The following ZFAND2B variants were observed in gnomAD, a reference collection of about 807,000 sequenced individuals.
ZFAND2B encodes AN1-type zinc finger protein 2B.
ZFAND2B carries 27 observed loss-of-function variants against 38.2 expected under a neutral mutation model. The ratio of observed to expected loss-of-function variants is 0.71; its 90% CI spans 0.52 to 0.97. The LOEUF (loss-of-function observed/expected upper bound fraction) is 0.97. Among genes scored for constraint, ZFAND2B ranks in the 50% least tolerant of loss-of-function variants. ZFAND2B has a pLI of 0.00. For synonymous variants in ZFAND2B, 111 were observed against 119.4 expected (o/e 0.93, Z 0.46); for missense variants, 303 against 331.5 (o/e 0.91, Z 0.67).
Position 219,207,749 on chromosome 2 carries a change from T to C in ZFAND2B, c.252T>C (p.Cys84=). ...TGGGAGAGCACATTGACAGAGACTGTCGCTCTGATCCAGCACAGCAAAAAC... is the reference window on the plus strand; with the variant it reads ...TGGGAGAGCACATTGACAGAGACTGCCGCTCTGATCCAGCACAGCAAAAAC... ...RAVGEHIDRD[C]RSDPAQQKRK... The change falls in exon 3 of 9, where the codon TGT becomes TGC. Residue 84 remains cysteine, a synonymous_variant. Transcript: ENST00000289528. The C allele has an allele frequency of 6.2e-7, 1 of 1,614,086 alleles. No individual in the cohort carries two copies. The highest frequency in any genetic ancestry group is 8.5e-7 in the Non-Finnish European group (1 of 1,180,036).
rs1209542760 is a variant in ZFAND2B at position 219,207,953 on chromosome 2, C to T, written c.349C>T (p.Arg117Cys). Residue 117 changes from arginine (R) to cysteine (C), a missense_variant, in exon 4 of 9, where the codon CGC (arginine) becomes TGC (cysteine). By Grantham distance (180) the Arg-to-Cys change is radical. Coordinates refer to ENST00000289528, the MANE Select transcript of ZFAND2B (RefSeq NM_138802.3). ...AGAAATGATGAAACTGACCTGTGAACGCTGTAGCCGAAACTTCTGCATCAA... is the reference window on the plus strand; with the variant it reads ...AGAAATGATGAAACTGACCTGTGAATGCTGTAGCCGAAACTTCTGCATCAA... ...QREMMKLTCE[R>C]CSRNFCIKHR... 1.2e-6 allele frequency: 2 copies of T among 1,614,048 alleles called. No individual in the cohort carries two copies. Among genetic ancestry groups the T allele is most frequent in the Non-Finnish European group, 1.7e-6 (2 of 1,180,032 alleles).
rs772447890 is a variant in ZFAND2B at position 219,208,977 on chromosome 2, T to C, written c.657T>C (p.Ser219=). 1 of 1,613,884 alleles carries C rather than the reference T, an allele frequency of 6.2e-7. No homozygotes were observed. The highest frequency in any genetic ancestry group is 1.3e-5 in the African/African-American group (1 of 74,914). The change falls in exon 8 of 9, where the codon AGT becomes AGC. Residue 219 remains serine, a splice_region_variant and synonymous_variant. Coordinates refer to ENST00000289528, the MANE Select transcript of ZFAND2B (RefSeq NM_138802.3). Reference sequence around the variant, plus strand: ...AACTTAAACTGTTTCTCCCTCCCAGTTGTCAGGAGGAAGAAGACCTAGCTT... The same window carrying C: ...AACTTAAACTGTTTCTCCCTCCCAGCTGTCAGGAGGAAGAAGACCTAGCTT... ...SLAETKPQVP[S]CQEEEDLALA...
In ZFAND2B at chr2:219,207,554, C is replaced by T. The variant is rs982187890; in HGVS notation, c.151-94C>T. ...AGTGCTGGGAAACACTGTTTTTTTGCGTGTTTGTGGTGGGTCATATCCAAG... is the reference window on the plus strand; with the variant it reads ...AGTGCTGGGAAACACTGTTTTTTTGTGTGTTTGTGGTGGGTCATATCCAAG... On this transcript the variant is annotated intron_variant, in intron 2 of 8. Transcript: ENST00000289528. 175 of 1,586,218 alleles carry T rather than the reference C, an allele frequency of 1.1e-4. 1 individual carries two copies. The East Asian group carries it at 3.5e-3, about 32-fold the overall frequency.
chr2:219,208,678 G>T, intron 7 of ZFAND2B, 39 bp downstream of exon 7: 2 of 1,612,214 alleles, frequency 1.2e-6, no homozygotes, highest in Non-Finnish European at 8.5e-7. Flanking sequence ...CAAGCTGTGG[G>T]CAAGGGCTTG....
chr2:219,208,579 A>G lies in ZFAND2B; in HGVS notation c.596A>G (p.Asp199Gly). The G allele has an allele frequency of 1.2e-6, 2 of 1,614,206 alleles. No individual in the cohort carries two copies. The highest frequency in any genetic ancestry group is 1.7e-6 in the Non-Finnish European group (2 of 1,180,032). The change falls in exon 7 of 9, where the codon GAT becomes GGT. Residue 199 changes from aspartate (D) to glycine (G), a missense_variant. Asp to Gly is a moderately conservative substitution (Grantham distance 94). Coordinates refer to ENST00000289528, the MANE Select transcript of ZFAND2B (RefSeq NM_138802.3). The stretch of plus-strand genomic sequence containing the variant: ...TTCTTTCTCCCTTTGTAGAGTGAGG[A>G]TGAAGCTCTGCAGCGGGCCCTGGAA... ...VIALQNGLSE[D>G]EALQRALEMS...
intron 8 of ZFAND2B, 81 bp from the exon 9 acceptor site, chr2:219,209,181 C>G: frequency 6.4e-7 from 1 of 1,568,264 alleles, no homozygotes; most frequent in Non-Finnish European, 8.7e-7. Context: ...CCAGCCCATG[C>G]TGAGCTCTGA....
In ZFAND2B at chr2:219,208,269, T is replaced by G; in HGVS notation, c.448T>G (p.Ser150Ala). 6.2e-7 allele frequency: 1 copy of G among 1,614,186 alleles called. No individual in the cohort carries two copies. The highest frequency in any genetic ancestry group is 8.5e-7 in the Non-Finnish European group (1 of 1,180,016). ...TCTTCCCTACAGACTTGCTGCCATC[T>G]CCAGAGCACAAGCTGTGGCTTCTAC... ...PTSRAGLAAISRAQAVASTST... is the reference protein window; with the variant it reads ...PTSRAGLAAIARAQAVASTST... Residue 150 changes from serine to alanine, a missense_variant, in exon 5 of 9, where the codon TCC becomes GCC. By Grantham distance (99) the Ser-to-Ala change is moderately conservative. Transcript: ENST00000289528.
At position 219,207,053 on chromosome 2, in the gene ZFAND2B, G is replaced by A. The variant is rs1317515424; in HGVS notation, c.55+11G>A. On this transcript the variant is annotated intron_variant, in intron 1 of 8. Transcript: ENST00000289528. ...GCTGTCAGCGCTTGGGTGAGGGGCG[G>A]AGCGCGCGGGGGGCGGGGCCCAGCG... The A allele has an allele frequency of 6.3e-7, 1 of 1,598,452 alleles. No individual in the cohort carries two copies. Among genetic ancestry groups the A allele is most frequent in the African/African-American group, 1.3e-5 (1 of 74,180 alleles).
At chr2:219,209,088 G>A (rs1352437356) in intron 8 of ZFAND2B, 39 bp downstream of exon 8, 7 of 1,611,530 alleles carry the variant, frequency 4.3e-6, no homozygotes, top group Admixed American at 1.7e-5. Flanking sequence ...GCAGTGGAAG[G>A]GAGGAAGAAG....
At position 219,208,471 on chromosome 2, in the gene ZFAND2B, T is replaced by A; in HGVS notation, c.573T>A (p.Ala191=). The change falls in exon 6 of 9, where the codon GCT becomes GCA. Residue 191 remains alanine, a synonymous_variant. Transcript: ENST00000289528. ...SPSWTAPPVI[A]LQNGLSEDEA... The stretch of plus-strand genomic sequence containing the variant: ...CCTGGACAGCCCCTCCAGTGATTGC[T>A]TTGCAGAATGGCCTGGTGAGTTGGG... 5.0e-6 allele frequency: 8 copies of A among 1,614,264 alleles called. No homozygotes were observed. Among genetic ancestry groups the A allele is most frequent in the Non-Finnish European group, 6.8e-6 (8 of 1,180,040 alleles).
chr2:219,206,888 A>G lies in ZFAND2B; in HGVS notation c.-100A>G. 3 of 1,313,178 alleles carry G rather than the reference A, an allele frequency of 2.3e-6. No homozygotes were observed. Among genetic ancestry groups the G allele is most frequent in the Non-Finnish European group, 3.2e-6 (3 of 947,826 alleles). The allele number at this position is 1,313,178 out of a possible 1,614,324, so 81.3% of individuals were successfully genotyped here. ...GGGGAGAGGAAGGGGCGGGGCAGGG[A>G]GCCCGCCAGAGTGCGGGGTCGCGGT... On this transcript the variant is annotated 5_prime_UTR_variant, in exon 1 of 9. Coordinates refer to ENST00000289528, the MANE Select transcript of ZFAND2B (RefSeq NM_138802.3).
Position 219,208,425 on chromosome 2 carries a change from G to C in ZFAND2B, c.528-1G>C. Reference sequence around the variant, plus strand: ...CTCCACCTCTTCAATGTCTGTCGTAGAGCCACAACCCGATCTCCGTCCTGG... The same window carrying C: ...CTCCACCTCTTCAATGTCTGTCGTACAGCCACAACCCGATCTCCGTCCTGG... On this transcript the variant is annotated splice_acceptor_variant, in intron 5 of 8. Coordinates refer to ENST00000289528, the MANE Select transcript of ZFAND2B (RefSeq NM_138802.3). LOFTEE classifies it high-confidence loss of function. 6.2e-7 allele frequency: 1 copy of C among 1,614,182 alleles called. No homozygotes were observed. The highest frequency in any genetic ancestry group is 8.5e-7 in the Non-Finnish European group (1 of 1,180,042).
Position 219,209,593 on chromosome 2 carries a change from A to G in ZFAND2B, c.*287A>G, listed in dbSNP as rs1451184824. On this transcript the variant is annotated 3_prime_UTR_variant, in exon 9 of 9. Transcript: ENST00000289528. ...TTATGCTGGAGCTGCCCCGATGTGG[A>G]GTGGGCAGGAAGGGGCCTGGAAAAA... The G allele has an allele frequency of 1.5e-6, 1 of 676,128 alleles. No individual in the cohort carries two copies. Among genetic ancestry groups the G allele is most frequent in the South Asian group, 1.5e-5 (1 of 66,234 alleles). 41.9% of individuals were successfully genotyped at this position (676,128 alleles called of 1,614,324 possible). A position where few individuals can be genotyped will look rare whatever the true frequency, so the allele number is the denominator to read the frequency against.
intron 7 of ZFAND2B, 82 bp downstream of exon 7, chr2:219,208,721 A>G: frequency 6.7e-7 from 1 of 1,494,292 alleles, no homozygotes; most frequent in Non-Finnish European, 9.3e-7. Context: ...CCACTCTGAC[A>G]CAATGCAAGA....
chr2:219,208,526 CAG>C (rs749821770), intron 6 of ZFAND2B, 40 bp downstream of exon 6: 4 of 1,614,260 alleles, frequency 2.5e-6, no homozygotes, highest in East Asian at 2.2e-5. Context: ...AACAAACACA[CAG>C]AGAGTGAAGT....
intron 7 of ZFAND2B, 58 bp downstream of exon 7, chr2:219,208,697 G>C: frequency 6.3e-7 from 1 of 1,597,544 alleles, no homozygotes; most frequent in East Asian, 2.2e-5. Flanking sequence ...TGGTCTGGAG[G>C]CAGGTAGGTG....
rs1050472822 is a variant in ZFAND2B, at chr2:219,206,802, G to A, written c.-186G>A. 3.7e-6 allele frequency: 2 copies of A among 534,334 alleles called. No homozygotes were observed. The highest frequency in any genetic ancestry group is 3.1e-6 in the Non-Finnish European group (1 of 327,548). 33.1% of individuals were successfully genotyped at this position (534,334 alleles called of 1,614,324 possible). A position where few individuals can be genotyped will look rare whatever the true frequency, so the allele number is the denominator to read the frequency against. On this transcript the variant is annotated 5_prime_UTR_variant, in exon 1 of 9. Coordinates refer to ENST00000289528, the MANE Select transcript of ZFAND2B (RefSeq NM_138802.3). ...ATGACGTCAGCGCGCCGCGCGCGCC[G>A]AGGGAGGAGCGGGCGCCGGGGGCCG...
rs749366921 is a variant in ZFAND2B at position 219,207,394 on chromosome 2, G to T, written c.123G>T (p.Gln41His). 5.0e-6 allele frequency: 8 copies of T among 1,612,338 alleles called. No homozygotes were observed. The highest frequency in any genetic ancestry group is 6.8e-6 in the Non-Finnish European group (8 of 1,178,550). ...IFCADHVAYA[Q>H]HHCGSAYQKD... is the part of the protein sequence containing the mutation. ...GCGCAGACCATGTGGCCTACGCCCA[G>T]CATCACTGTGGATCTGCTTACCAAA... The change falls in exon 2 of 9, where the codon CAG (glutamine) becomes CAT (histidine). Residue 41 changes from glutamine (Q) to histidine (H), a missense_variant. Gln to His is a conservative substitution (Grantham distance 24). Coordinates refer to ENST00000289528, the MANE Select transcript of ZFAND2B (RefSeq NM_138802.3).
In ZFAND2B at chr2:219,209,251, C is replaced by T; in HGVS notation, c.730-11C>T. On this transcript the variant is annotated splice_polypyrimidine_tract_variant and intron_variant, in intron 8 of 8. Transcript: ENST00000289528. Reference sequence around the variant, plus strand: ...CTGTGTCTTCCCCTCCTTCCCCTCTCTTTGCTCTAGGCCCAGAGCCGCAGC... The same window carrying T: ...CTGTGTCTTCCCCTCCTTCCCCTCTTTTTGCTCTAGGCCCAGAGCCGCAGC... 2 of 1,604,682 alleles carry T rather than the reference C, an allele frequency of 1.2e-6. No individual in the cohort carries two copies. Among genetic ancestry groups the T allele is most frequent in the Non-Finnish European group, 1.7e-6 (2 of 1,175,564 alleles).
Sources: gnomAD v4.1 joint callset for allele counts on GRCh38, gnomAD v4.1.1 for gene constraint, MANE v1.5 for transcripts, NCBI Gene and HGNC (gene_info 2026-07-23, HGNC 2026-07-21) for gene names.